RFX3: variants seen among roughly 807,000 people sequenced by gnomAD.
RFX3 encodes the protein transcription factor RFX3.
RFX3 carries 14 observed loss-of-function variants against 98.6 expected under a neutral mutation model. The observed-to-expected ratio is 0.14, with a 90% CI of 0.09 to 0.22. RFX3 has a LOEUF of 0.22. Ranked by LOEUF, RFX3 falls within the 10% of genes least tolerant of loss-of-function variation. The pLI is 1.00. For synonymous variants in RFX3, 383 were observed against 328.4 expected, an observed-to-expected ratio of 1.17 and a Z score of -1.80; for missense variants, 639 against 926.9, an observed-to-expected ratio of 0.69 and a Z score of 4.03.
chr9:3,275,667 G>C (rs1825112489), intron 8 of RFX3, 55 bp from the exon 9 acceptor site: 1 of 1,024,642 alleles, frequency 9.8e-7, no homozygotes, highest in East Asian at 2.5e-5. Flanking sequence ...GCCAATTACA[G>C]ATTAATGAGG....
chr9:3,487,353 T>G (rs1309964762), intron 1 of RFX3, among the ~76,000 whole-genome samples: 1 of 152,216 alleles, frequency 6.6e-6, no homozygotes, highest in Non-Finnish European at 1.5e-5. Context: ...CTATTTTGAT[T>G]TTTATAATTT....
chr9:3,327,272 G>C (rs1009932442), intron 4 of RFX3, among the ~76,000 whole-genome samples: 1 of 152,004 alleles, frequency 6.6e-6, no homozygotes, highest in African/African-American at 2.4e-5. Flanking sequence ...CATTTGGCAA[G>C]AGGCACATGA....
chr9:3,412,693 G>C (rs1167158213), intron 1 of RFX3, among the ~76,000 whole-genome samples: 2 of 152,036 alleles, frequency 1.3e-5, no homozygotes, highest in East Asian at 3.9e-4. Flanking sequence ...ATAGGATTCT[G>C]TCCACTTTTT....
chr9:3,254,989 G>A (rs1392908039), intron 14 of RFX3, among the ~76,000 whole-genome samples: 1 of 152,126 alleles, frequency 6.6e-6, no homozygotes, highest in Non-Finnish European at 1.5e-5. Flanking sequence ...GCAGGACTGT[G>A]GAATTGTACC....
At chr9:3,397,447 T>G (rs1841009962) in intron 1 of RFX3, among the ~76,000 whole-genome samples, 1 of 152,182 alleles carries the variant, frequency 6.6e-6, no homozygotes, top group South Asian at 2.1e-4. Flanking sequence ...AATTAACCCC[T>G]CTTGGCATCT....
At chr9:3,511,234 G>C (rs1008782366) in intron 1 of RFX3, among the ~76,000 whole-genome samples, 1 of 151,884 alleles carries the variant, frequency 6.6e-6, no homozygotes, top group African/African-American at 2.4e-5. Flanking sequence ...CTTTTAAAAA[G>C]ATTTAGGTAT....
chr9:3,398,363 G>T (rs1587509904), intron 1 of RFX3, among the ~76,000 whole-genome samples: 1 of 151,426 alleles, frequency 6.6e-6, no homozygotes, highest in African/African-American at 2.4e-5. Flanking sequence ...CCCTAAAAAA[G>T]AAAGCAAAAG....
At chr9:3,434,783 G>A (rs1265678830) in intron 1 of RFX3, among the ~76,000 whole-genome samples, 1 of 151,974 alleles carries the variant, frequency 6.6e-6, no homozygotes, top group Non-Finnish European at 1.5e-5. Context: ...GTCATGCATT[G>A]CTTAACAACA....
At chr9:3,304,310 A>T (rs2130191168) in intron 4 of RFX3, among the ~76,000 whole-genome samples, 1 of 152,118 alleles carries the variant, frequency 6.6e-6, no homozygotes, top group East Asian at 1.9e-4. Context: ...TACATTTTTT[A>T]AAAAACAGTT....
intron 1 of RFX3, among the ~76,000 whole-genome samples, chr9:3,456,924 G>C (rs747552975): frequency 1.3e-5 from 2 of 151,788 alleles, no homozygotes; most frequent in Non-Finnish European, 2.9e-5. Flanking sequence ...TGAGGCGGGT[G>C]GATCATGAGG....
chr9:3,371,127 T>C lies in RFX3; in HGVS notation c.117+24345A>G, dbSNP rs566468839. Reference sequence around the variant, plus strand: ...TATGTGTATAACTGCAAGGGAATATTATTAGTTGCTATCAAGGGTAAGTTC... The same window carrying C: ...TATGTGTATAACTGCAAGGGAATATCATTAGTTGCTATCAAGGGTAAGTTC... On this transcript the variant is annotated intron_variant, in intron 2 of 16. Coordinates refer to ENST00000617270, the MANE Select transcript of RFX3 (RefSeq NM_001282116.2). Among the ~76,000 whole-genome samples, 16 of 152,314 alleles carry C rather than the reference T, an allele frequency of 1.1e-4. No individual in the cohort carries two copies. The South Asian group carries it at 2.9e-3, about 28-fold the overall frequency.
At chr9:3,465,311 A>T (rs2133118547) in intron 1 of RFX3, among the ~76,000 whole-genome samples, 1 of 151,830 alleles carries the variant, frequency 6.6e-6, no homozygotes, top group African/African-American at 2.4e-5. Context: ...CTTTTTTTGA[A>T]ACAGAGTCTC....
chr9:3,313,600 A>G (rs1249002926), intron 4 of RFX3, among the ~76,000 whole-genome samples: 1 of 152,224 alleles, frequency 6.6e-6, no homozygotes, highest in Non-Finnish European at 1.5e-5. Flanking sequence ...GTTCGAACCC[A>G]TCACAAAGAA....
intron 5 of RFX3, among the ~76,000 whole-genome samples, chr9:3,297,874 T>G (rs145462374): frequency 2.6e-5 from 4 of 151,950 alleles, no homozygotes; most frequent in Middle Eastern, 3.4e-3. Context: ...TTGGGAACAA[T>G]TAACAACATT....
chr9:3,318,002 C>T (rs1193061405), intron 4 of RFX3, among the ~76,000 whole-genome samples: 1 of 152,152 alleles, frequency 6.6e-6, no homozygotes, highest in African/African-American at 2.4e-5. Context: ...TACCATTTGA[C>T]CCAGCCATCC....
chr9:3,298,785 G>A (rs1374939770), intron 5 of RFX3, among the ~76,000 whole-genome samples: 2 of 151,732 alleles, frequency 1.3e-5, no homozygotes, highest in East Asian at 3.9e-4. Context: ...ATCTTATTTA[G>A]TCCTAATAAG....
intron 14 of RFX3, 85 bp downstream of exon 14, chr9:3,256,906 T>G (rs113462937): frequency 0.011 from 13,600 of 1,268,362 alleles, 398 homozygotes; most frequent in African/African-American, 0.098. Context: ...TTTCTTTTCT[T>G]TTGTCACAGA....
At chr9:3,475,193 T>C (rs1849127386) in intron 1 of RFX3, among the ~76,000 whole-genome samples, 1 of 151,880 alleles carries the variant, frequency 6.6e-6, no homozygotes, top group South Asian at 2.1e-4. Context: ...TTATAAGCAT[T>C]ATATCTTCAT....
chr9:3,446,751 C>A (rs991553613), intron 1 of RFX3, among the ~76,000 whole-genome samples: 1 of 151,904 alleles, frequency 6.6e-6, no homozygotes, highest in Non-Finnish European at 1.5e-5. Context: ...ATTGGAGTAA[C>A]GTATGGTACA....
Sources: allele counts gnomAD v4.1 joint callset (sites outside exome capture counted in the v4.1 genomes callset), GRCh38; gene constraint gnomAD v4.1.1; transcripts MANE v1.5; gene names NCBI Gene and HGNC (gene_info 2026-07-23, HGNC 2026-07-21).